Variants in NEDD9 observed in about 807,000 individuals in gnomAD.
NEDD9 encodes the protein neural precursor cell expressed, developmentally down-regulated 9.
A neutral mutation model predicts 76.6 loss-of-function variants in NEDD9; 26 were observed. That is an observed-to-expected ratio of 0.34 (90% CI 0.25 to 0.47). NEDD9 has a LOEUF of 0.47. Among genes scored for constraint, NEDD9 ranks in the 20% least tolerant of loss-of-function variants. NEDD9 has a pLI of 1.00. For missense variants in NEDD9, 937 were observed against 1,058.5 expected (o/e 0.89, Z 1.59); for synonymous variants, 392 against 414.2 (o/e 0.95, Z 0.65).
At chr6:11,352,295 G>C (rs1223093936) in intron 1 of NEDD9, 1 of 152,202 alleles carries the variant, frequency 6.6e-6, no homozygotes, top group Non-Finnish European at 1.5e-5. Context: ...CTCATGGGCA[G>C]TGTAGATGTT....
chr6:11,346,570 T>C (rs560598712), intron 1 of NEDD9, among the ~76,000 whole-genome samples: 2 of 152,108 alleles, frequency 1.3e-5, no homozygotes, highest in African/African-American at 4.8e-5. Context: ...GGCAAAGATG[T>C]CTTGGCTCTG....
At chr6:11,233,576 CTTA>C (rs1194703442), upstream of NEDD9, 2 of 513,130 alleles carry the variant, frequency 3.9e-6, no homozygotes, top group Non-Finnish European at 7.8e-6. Context: ...CCCACCAACA[CTTA>C]TTATCCAGGA....
intron 1 of NEDD9, among the ~76,000 whole-genome samples, chr6:11,345,526 T>C (rs1762348697): frequency 6.6e-6 from 1 of 152,102 alleles, no homozygotes; most frequent in African/African-American, 2.4e-5. Context: ...TCCTGCCAAC[T>C]ATATGTGGAG....
intron 2 of NEDD9, among the ~76,000 whole-genome samples, chr6:11,316,731 G>A (rs1761576289): frequency 6.6e-6 from 1 of 152,194 alleles, no homozygotes; most frequent in Non-Finnish European, 1.5e-5. Flanking sequence ...GGAAGGTTCG[G>A]ATTAAGCTGG....
At chr6:11,308,361 CTTTTTTTTTTTTTTTT>C (rs933892327) in intron 2 of NEDD9, among the ~76,000 whole-genome samples, 4 of 87,852 alleles carry the variant, frequency 4.6e-5, no homozygotes, top group Non-Finnish European at 6.4e-5. Context: ...GATGGGACAT[CTTTTTTTTTTTTTTTT>C]TTTTTTTTTT....
At chr6:11,345,284 T>C (rs1762343859) in intron 1 of NEDD9, among the ~76,000 whole-genome samples, 2 of 152,214 alleles carry the variant, frequency 1.3e-5, no homozygotes, top group African/African-American at 4.8e-5. Flanking sequence ...GCTTTAAATC[T>C]AAGCCAAGAA....
chr6:11,249,351 C>G (rs1195164623), intron 3 of NEDD9: 2 of 368,824 alleles, frequency 5.4e-6, no homozygotes, highest in Non-Finnish European at 1.1e-5. Context: ...GTTCAGGGCT[C>G]TATAAAGTCT....
chr6:11,246,860 G>C (rs1444075433), intron 3 of NEDD9, among the ~76,000 whole-genome samples: 1 of 152,170 alleles, frequency 6.6e-6, no homozygotes, highest in African/African-American at 2.4e-5. Context: ...GTTGCCTCCA[G>C]TTACGTGACT....
rs1287377486 is a variant in NEDD9 at position 11,183,557 on chromosome 6, CTT to C, written c.*1603_*1604del. On this transcript the variant is annotated 3_prime_UTR_variant, in exon 7 of 7. Transcript: ENST00000379446. ...CATTTCCTTGTAATGTAATGTATGA[CTT>C]TTAATCTTCTTTTGGCAGAGTAGGA... 2.6e-5 allele frequency: 4 copies of C among 152,184 alleles called. No homozygotes were observed. Among genetic ancestry groups the C allele is most frequent in the African/African-American group, 9.7e-5 (4 of 41,448 alleles). 9.4% of individuals were successfully genotyped at this position (152,184 alleles called of 1,614,324 possible). A position where few individuals can be genotyped will look rare whatever the true frequency, so the allele number is the denominator to read the frequency against.
In NEDD9 at chr6:11,232,580, C is replaced by T; in HGVS notation, c.-65G>A. 6.2e-7 allele frequency: 1 copy of T among 1,613,408 alleles called. No homozygotes were observed. Among genetic ancestry groups the T allele is most frequent in the Non-Finnish European group, 8.5e-7 (1 of 1,179,842 alleles). The stretch of plus-strand genomic sequence containing the variant: ...AAGACAGCATTAAGCACTGCGGTGC[C>T]CGCCCCTCCATTGAGTGCAGCGCTA... On this transcript the variant is annotated 5_prime_UTR_variant, in exon 1 of 7. Transcript: ENST00000379446.
intron 1 of NEDD9, among the ~76,000 whole-genome samples, chr6:11,354,957 G>T (rs1317403926): frequency 3.3e-5 from 5 of 152,200 alleles, no homozygotes; most frequent in Admixed American, 2.0e-4. Context: ...TCCTGATGAG[G>T]TGGAGCCCCT....
intron 1 of NEDD9, among the ~76,000 whole-genome samples, chr6:11,341,426 G>A (rs143746821): frequency 1.7e-4 from 26 of 152,304 alleles, no homozygotes; most frequent in Non-Finnish European, 2.4e-4. Context: ...CCTTGCATGC[G>A]TATGGGAAGC....
chr6:11,361,614 C>T (rs1762680923), intron 1 of NEDD9, among the ~76,000 whole-genome samples: 1 of 152,146 alleles, frequency 6.6e-6, no homozygotes, highest in Non-Finnish European at 1.5e-5. Flanking sequence ...GATTACAATT[C>T]AACATGAGAT....
chr6:11,353,021 T>C (rs898794697), intron 1 of NEDD9, among the ~76,000 whole-genome samples: 1 of 152,260 alleles, frequency 6.6e-6, no homozygotes, highest in East Asian at 1.9e-4. Context: ...TCCTGCCCTC[T>C]TGAGCGATCA....
In NEDD9 at chr6:11,370,740, C is replaced by T. The variant is rs551500174; in HGVS notation, c.-214+11399G>A. ...TCAGCAGATGTCCCTCCAGCACCTC[C>T]CATGTGCCAAGAACACAGCAGGGGA... On this transcript the variant is annotated intron_variant, in intron 1 of 3. Transcript: ENST00000397378. The surrounding 1 kb of genome is among the most constrained non-coding windows in gnomAD (Gnocchi z 4.2). 6.6e-6 allele frequency among the ~76,000 whole-genome samples: 1 copy of T among 152,214 alleles called. No individual in the cohort carries two copies. Among genetic ancestry groups the T allele is most frequent in the African/African-American group, 2.4e-5 (1 of 41,448 alleles).
chr6:11,301,931 C>T (rs889727609), intron 3 of NEDD9, among the ~76,000 whole-genome samples: 1 of 152,160 alleles, frequency 6.6e-6, no homozygotes, highest in African/African-American at 2.4e-5. Flanking sequence ...CTAAAATCGA[C>T]ACTCTAACAT....
intron 3 of NEDD9, among the ~76,000 whole-genome samples, chr6:11,299,573 T>G (rs1197411472): frequency 3.3e-5 from 5 of 152,204 alleles, no homozygotes; most frequent in Non-Finnish European, 5.9e-5. Flanking sequence ...TTGACCCCTG[T>G]GTAGCCTGAC....
At chr6:11,327,720 G>A (rs548653179) in intron 2 of NEDD9, among the ~76,000 whole-genome samples, 5 of 152,238 alleles carry the variant, frequency 3.3e-5, no homozygotes, top group African/African-American at 4.8e-5. Flanking sequence ...CCAGCAAGAG[G>A]GCCTGTGTGA....
intron 3 of NEDD9, chr6:11,305,467 T>G: frequency 4.7e-6 from 1 of 210,894 alleles, no homozygotes; most frequent in South Asian, 7.0e-5. Context: ...TATCATTTCT[T>G]CTACTGAATT....
Sources: gnomAD v4.1 joint callset for allele counts (sites outside exome capture counted in the v4.1 genomes callset) on GRCh38, gnomAD v4.1.1 for gene constraint, Gnocchi (gnomAD v3.1) non-coding constraint, MANE v1.5 for transcripts, NCBI Gene and HGNC (gene_info 2026-07-23, HGNC 2026-07-21) for gene names.